The following JAK1 variants were observed in gnomAD, a reference collection of about 807,000 sequenced individuals.
JAK1 encodes tyrosine-protein kinase JAK1.
In JAK1, 16 loss-of-function variants were observed where a neutral mutation model predicts 136.6. The ratio of observed to expected loss-of-function variants is 0.12; its 90% confidence interval spans 0.08 to 0.18. The LOEUF is 0.18. JAK1 is among the 10% of genes least tolerant of loss of function. The pLI is 1.00. For missense variants in JAK1, 859 were observed against 1,450.1 expected, an observed-to-expected ratio of 0.59 and a Z score of 6.62; for synonymous variants, 492 against 519.5, an observed-to-expected ratio of 0.95 and a Z score of 0.72.
intron 1 of JAK1, among the ~76,000 whole-genome samples, chr1:64,945,076 A>G (rs2100542295): frequency 6.6e-6 from 1 of 151,918 alleles, no homozygotes; most frequent in Admixed American, 6.6e-5. Context: ...ATATCACACT[A>G]CAATCTCAAA....
At chr1:65,066,149 G>A (rs1648030686) in intron 1 of JAK1, among the ~76,000 whole-genome samples, 1 of 152,154 alleles carries the variant, frequency 6.6e-6, no homozygotes, top group African/African-American at 2.4e-5. Flanking sequence ...ATAAGCACAG[G>A]TGTGGTCTTT....
intron 2 of JAK1, among the ~76,000 whole-genome samples, chr1:65,033,720 A>G (rs1412704556): frequency 6.9e-6 from 1 of 144,636 alleles, no homozygotes; most frequent in African/African-American, 2.6e-5. Context: ...AGACTCCCGT[A>G]GTACCAAAAA....
chr1:65,059,960 T>C (rs1049589412), intron 1 of JAK1, among the ~76,000 whole-genome samples: 1 of 152,138 alleles, frequency 6.6e-6, no homozygotes, highest in Non-Finnish European at 1.5e-5. Context: ...TTACGTACTA[T>C]GAAAATGACC....
chr1:65,057,473 G>A (rs1303232673), intron 1 of JAK1, among the ~76,000 whole-genome samples: 1 of 152,170 alleles, frequency 6.6e-6, no homozygotes, highest in Non-Finnish European at 1.5e-5. Context: ...GGCTGAGGTG[G>A]GAGAATCAAT....
chr1:64,952,886 G>C (rs1296422347), intron 1 of JAK1, among the ~76,000 whole-genome samples: 1 of 152,174 alleles, frequency 6.6e-6, no homozygotes, highest in South Asian at 2.1e-4. Flanking sequence ...CCATAAGGTA[G>C]GAGCCATTAT....
chr1:64,939,546 C>T (rs1212037543), intron 1 of JAK1, among the ~76,000 whole-genome samples: 1 of 152,154 alleles, frequency 6.6e-6, no homozygotes, highest in African/African-American at 2.4e-5. Flanking sequence ...TTTAATTTAT[C>T]CAAATATTGG....
intron 2 of JAK1, among the ~76,000 whole-genome samples, chr1:64,981,611 T>G (rs1019069886): frequency 6.6e-6 from 1 of 152,226 alleles, no homozygotes; most frequent in Non-Finnish European, 1.5e-5. Flanking sequence ...GCACTGAGTA[T>G]TTAATCAATT....
chr1:64,922,447 G>T (rs1211216104), intron 1 of JAK1, among the ~76,000 whole-genome samples: 1 of 152,008 alleles, frequency 6.6e-6, no homozygotes, highest in Non-Finnish European at 1.5e-5. Context: ...CAAACATCAG[G>T]AGTATAAATG....
intron 2 of JAK1, among the ~76,000 whole-genome samples, chr1:65,035,936 C>T (rs999686248): frequency 2.0e-4 from 31 of 151,954 alleles, no homozygotes; most frequent in Admixed American, 9.2e-4. Flanking sequence ...GGTGTGGTAG[C>T]GCACGCCTGT....
intron 2 of JAK1, among the ~76,000 whole-genome samples, chr1:65,012,672 G>A (rs1380325313): frequency 6.6e-6 from 1 of 151,832 alleles, no homozygotes; most frequent in South Asian, 2.1e-4. Context: ...TGCACCTGTG[G>A]CCCCAGCTAC....
At chr1:64,861,027 C>A (rs972703201) in intron 8 of JAK1, among the ~76,000 whole-genome samples, 34 of 149,324 alleles carry the variant, frequency 2.3e-4, no homozygotes, top group Admixed American at 7.4e-4. Context: ...GGGAGACATG[C>A]AGAGAAGCTG....
intron 7 of JAK1, among the ~76,000 whole-genome samples, chr1:64,866,015 C>T (rs1656681868): frequency 6.6e-6 from 1 of 152,196 alleles, no homozygotes; most frequent in Non-Finnish European, 1.5e-5. Flanking sequence ...CTGCCTCAGC[C>T]TCCCAAAGTG....
intron 2 of JAK1, among the ~76,000 whole-genome samples, chr1:64,982,391 A>T (rs1163081978): frequency 6.6e-6 from 1 of 152,202 alleles, no homozygotes; most frequent in Non-Finnish European, 1.5e-5. Context: ...AGCAGCAGCC[A>T]CAGTCCGGGA....
intron 4 of JAK1, among the ~76,000 whole-genome samples, 173 bp from the exon 5 acceptor site, chr1:64,873,696 G>A (rs563308185): frequency 2.0e-4 from 31 of 152,228 alleles, no homozygotes; most frequent in African/African-American, 5.8e-4. Context: ...CTAGCGCTGC[G>A]TGAGAAGTGT....
chr1:64,944,221 C>CAAAAA (rs771660692), intron 1 of JAK1, among the ~76,000 whole-genome samples: 1 of 63,380 alleles, frequency 1.6e-5, no homozygotes, highest in African/African-American at 5.5e-5. Flanking sequence ...GACTCTGTCT[C>CAAAAA]AAAAAAAAAA....
chr1:64,988,481 C>A lies in JAK1; in HGVS notation c.-78+55999G>T, dbSNP rs149689483. Among the ~76,000 whole-genome samples, 6 of 152,102 alleles carry A rather than the reference C, an allele frequency of 3.9e-5. No homozygotes were observed. The Middle Eastern group carries it at 0.01, about 260-fold the overall frequency. On this transcript the variant is annotated intron_variant, in intron 2 of 25. Coordinates refer to the JAK1 transcript ENST00000671954. ...TAGGCAGCCCCAAGCTCCTGTCCCC[C>A]CCATAGAAACTCAAAAAACAAGCAG... is the stretch of plus-strand genomic sequence containing the variant.
At chr1:65,067,242 G>T (rs1648096563) in intron 1 of JAK1, among the ~76,000 whole-genome samples, 1 of 150,498 alleles carries the variant, frequency 6.6e-6, no homozygotes, top group African/African-American at 2.4e-5. Flanking sequence ...GGCGCTAGGC[G>T]CTGGGCAGTG....
At chr1:64,842,325 T>C (rs1451921393) in intron 17 of JAK1, among the ~76,000 whole-genome samples, 1 of 152,178 alleles carries the variant, frequency 6.6e-6, no homozygotes, top group South Asian at 2.1e-4. Flanking sequence ...TTCAACTGTT[T>C]ATTACTTTAA....
rs1655322945 is a variant in JAK1 at position 64,847,621 on chromosome 1, C to T, written c.1810G>A (p.Asp604Asn). Residue 604 changes from aspartate (D) to asparagine (N), a missense_variant, in exon 13 of 25, where the codon GAT becomes AAT. Transcript: ENST00000342505. Reference sequence around the variant, plus strand: ...GAAGTTCCTTCGTCATCCTTGTAATCCATCAGGGTCCCAGAATAGATGTGT... The same window carrying T: ...GAAGTTCCTTCGTCATCCTTGTAATTCATCAGGGTCCCAGAATAGATGTGT... ...RTHIYSGTLM[D>N]YKDDEGTSEE... 6.2e-7 allele frequency: 1 copy of T among 1,614,110 alleles called. No homozygotes were observed. The highest frequency in any genetic ancestry group is 1.1e-5 in the South Asian group (1 of 91,080).
Sources: gnomAD v4.1 joint callset for allele counts (sites outside exome capture counted in the v4.1 genomes callset) on GRCh38, gnomAD v4.1.1 for gene constraint, MANE v1.5 for transcripts, NCBI Gene and HGNC (gene_info 2026-07-23, HGNC 2026-07-21) for gene names.